The following DNM1L variants were observed in gnomAD, a reference collection of about 807,000 sequenced individuals.
DNM1L encodes dynamin 1L.
A neutral mutation model predicts 92.8 loss-of-function variants in DNM1L; 33 were observed. The ratio of observed to expected loss-of-function variants is 0.36; its 90% CI spans 0.27 to 0.48. DNM1L has a LOEUF of 0.48. Ranked by LOEUF, DNM1L falls within the 20% of genes least tolerant of loss-of-function variation. The probability of loss-of-function intolerance (pLI) is 0.99; values close to 1 mark genes in which losing one functional copy is unlikely to be tolerated. For synonymous variants in DNM1L, 284 were observed against 305.0 expected (o/e 0.93, Z 0.72); for missense variants, 485 against 888.8 (o/e 0.55, Z 5.78).
intron 2 of DNM1L, chr12:32,705,825 A>G (rs1318749267): frequency 4.9e-5 from 79 of 1,597,720 alleles, no homozygotes; most frequent in Non-Finnish European, 6.3e-5. Flanking sequence ...TTAACTACAG[A>G]CCCTGCTACA....
intron 12 of DNM1L, 106 bp downstream of exon 12, chr12:32,732,049 A>G: frequency 3.6e-6 from 3 of 827,758 alleles, no homozygotes; most frequent in Non-Finnish European, 6.1e-6. Context: ...GAGTGTAGGC[A>G]TAATGTTTTC....
intron 7 of DNM1L, 61 bp from the exon 8 acceptor site, chr12:32,720,602 CA>C (rs1354109649): frequency 1.2e-6 from 2 of 1,610,012 alleles, no homozygotes; most frequent in African/African-American, 2.7e-5. Flanking sequence ...GTGCTGTCAT[CA>C]TCTAAGGTAG....
chr12:32,711,232 T>A (rs1450343766), intron 5 of DNM1L: 1 of 505,130 alleles, frequency 2.0e-6, no homozygotes, highest in Non-Finnish European at 3.5e-6. Context: ...TCCTTTTCAG[T>A]CTCTTTTGCT....
At chr12:32,724,610 ATAT>A (rs1954004233) in intron 9 of DNM1L, among the ~76,000 whole-genome samples, 10 of 143,000 alleles carry the variant, frequency 7.0e-5, no homozygotes, top group Non-Finnish European at 1.5e-4. Flanking sequence ...ATATATATAT[ATAT>A]ATATATAAAT....
intron 2 of DNM1L, among the ~76,000 whole-genome samples, chr12:32,703,404 C>A (rs1952792089): frequency 6.6e-6 from 1 of 151,976 alleles, no homozygotes; most frequent in African/African-American, 2.4e-5. Context: ...TACTAGATTT[C>A]ACGTGTTTTA....
rs10844336 is a variant in DNM1L at position 32,744,652 on chromosome 12, G to A, written c.*1242G>A. ...TGCTTGACCCTGGGAGGTGGAGGTTGTGGTGAGCTAAGATCGTGCCATTGC... is the reference window on the plus strand; with the variant it reads ...TGCTTGACCCTGGGAGGTGGAGGTTATGGTGAGCTAAGATCGTGCCATTGC... On this transcript the variant is annotated 3_prime_UTR_variant, in exon 20 of 20. Transcript: ENST00000549701. 0.13 allele frequency: 41,416 copies of A among 308,796 alleles called. 2,997 individuals carry two copies. Among genetic ancestry groups the A allele is most frequent in the Middle Eastern group, 0.19 (455 of 2,446 alleles). The allele number at this position is 308,796 out of a possible 1,614,324, so 19.1% of individuals were successfully genotyped here. A position where few individuals can be genotyped will look rare whatever the true frequency, so the allele number is the denominator to read the frequency against.
At chr12:32,730,993 A>T in intron 9 of DNM1L, 21 bp from the exon 10 acceptor site, 1 of 1,613,628 alleles carries the variant, frequency 6.2e-7, no homozygotes. Context: ...GCCAGAAACC[A>T]TATACTTCAT....
At chr12:32,726,966 T>C in intron 9 of DNM1L, 1 of 732,236 alleles carries the variant, frequency 1.4e-6, no homozygotes, top group Admixed American at 2.1e-5. Context: ...CACTTTGGTA[T>C]CTTTCACATG....
intron 1 of DNM1L, among the ~76,000 whole-genome samples, chr12:32,694,420 T>C (rs1952354822): frequency 6.6e-6 from 1 of 152,224 alleles, no homozygotes; most frequent in African/African-American, 2.4e-5. Context: ...GGTCAAATAA[T>C]ATGTGGTCTT....
chr12:32,737,173 T>A lies in DNM1L; in HGVS notation c.1596+12T>A. ...TATCACGAGACAAGGTAAAAAAATGTTTTTAATGCATATTCCCAATACCTA... is the reference window on the plus strand; with the variant it reads ...TATCACGAGACAAGGTAAAAAAATGATTTTAATGCATATTCCCAATACCTA... On this transcript the variant is annotated intron_variant, in intron 14 of 19. Transcript: ENST00000549701. 1 of 1,613,320 alleles carries A rather than the reference T, an allele frequency of 6.2e-7. No homozygotes were observed. Among genetic ancestry groups the A allele is most frequent in the Non-Finnish European group, 8.5e-7 (1 of 1,179,614 alleles).
At chr12:32,719,868 A>C (rs1176227507) in intron 7 of DNM1L, among the ~76,000 whole-genome samples, 1 of 152,176 alleles carries the variant, frequency 6.6e-6, no homozygotes, top group East Asian at 1.9e-4. Context: ...TTTAACCAAA[A>C]GTCACGTGGG....
intron 6 of DNM1L, among the ~76,000 whole-genome samples, chr12:32,714,293 G>C (rs1205745583): frequency 1.5e-5 from 2 of 131,210 alleles, no homozygotes; most frequent in Middle Eastern, 4.5e-3. Context: ...TTTTTTTTGA[G>C]ATGGAGTCTT....
intron 1 of DNM1L, among the ~76,000 whole-genome samples, chr12:32,686,736 A>G (rs145278741): frequency 1.7e-3 from 258 of 152,306 alleles, no homozygotes; most frequent in African/African-American, 5.6e-3. Context: ...ACACCATTTT[A>G]AAATTCCCAC....
chr12:32,740,944 G>C (rs527423505), intron 18 of DNM1L, among the ~76,000 whole-genome samples: 1 of 152,258 alleles, frequency 6.6e-6, no homozygotes, highest in East Asian at 1.9e-4. Context: ...TTTTTCATGT[G>C]TCTAGTCCCT....
chr12:32,706,024 G>C, intron 2 of DNM1L: 1 of 532,192 alleles, frequency 1.9e-6, no homozygotes, highest in South Asian at 4.1e-5. Flanking sequence ...TTTTGGCATT[G>C]CATCAAAATG....
At chr12:32,705,927 C>T (rs1952905852) in intron 2 of DNM1L, 3 of 1,404,298 alleles carry the variant, frequency 2.1e-6, no homozygotes, top group East Asian at 4.7e-5. Flanking sequence ...TGCTTATGTA[C>T]TATTACAGGC....
At chr12:32,694,774 G>A (rs1952373846) in intron 1 of DNM1L, among the ~76,000 whole-genome samples, 1 of 152,146 alleles carries the variant, frequency 6.6e-6, no homozygotes, top group Admixed American at 6.5e-5. Context: ...ACAAACCATT[G>A]TTATCCATAC....
rs546226312 is a variant in DNM1L, at chr12:32,679,874, T to A, written c.102+409T>A. The A allele has an allele frequency of 9.1e-5, 90 of 992,032 alleles. 2 individuals carry two copies. The South Asian group carries it at 3.8e-3, about 42-fold the overall frequency. 61.5% of individuals were successfully genotyped at this position (992,032 alleles called of 1,614,324 possible). ...GTCTCGCTGGGCTCGGTGGGCTGGC[T>A]GTTCCCATCACTGTTGGCTTTCGTG... On this transcript the variant is annotated intron_variant, in intron 1 of 19. Transcript: ENST00000549701.
chr12:32,736,833 C>T (rs1234949883), intron 13 of DNM1L: 1 of 420,394 alleles, frequency 2.4e-6, no homozygotes, highest in East Asian at 4.4e-5. Flanking sequence ...CAGTCTGTTG[C>T]CCCTCATTTG....
Sources: gnomAD v4.1 joint callset for allele counts (sites outside exome capture counted in the v4.1 genomes callset) on GRCh38, gnomAD v4.1.1 for gene constraint, MANE v1.5 for transcripts, NCBI Gene and HGNC (gene_info 2026-07-23, HGNC 2026-07-21) for gene names.